The following ACACA variants were observed in gnomAD, a reference collection of about 807,000 sequenced individuals.
The protein encoded by ACACA is acetyl-CoA carboxylase alpha, also known as acetyl-CoA carboxylase 1.
Under a neutral mutation model 296.1 loss-of-function variants are expected in ACACA, and 103 were observed. The ratio of observed to expected loss-of-function variants is 0.35; its 90% CI spans 0.30 to 0.41. The LOEUF is 0.41. Among genes scored for constraint, ACACA ranks in the 10% least tolerant of loss-of-function variants. ACACA has a pLI of 1.00. For synonymous variants in ACACA, 953 were observed against 1,038.6 expected (o/e 0.92, Z 1.58); for missense variants, 1,554 against 2,989.7 (o/e 0.52, Z 11.20).
At chr17:37,321,942 CAAA>C (rs35332296) in intron 3 of ACACA, among the ~76,000 whole-genome samples, 1 of 87,032 alleles carries the variant, frequency 1.1e-5, no homozygotes. Context: ...GACTCCATCT[CAAA>C]AAAAAAAAAA....
chr17:37,195,433 T>C (rs1375350184), intron 35 of ACACA, among the ~76,000 whole-genome samples: 3 of 152,164 alleles, frequency 2.0e-5, no homozygotes, highest in African/African-American at 7.2e-5. Flanking sequence ...TGACTAATTC[T>C]TGGCAGAGGT....
At chr17:37,274,482 G>C (rs1485489219) in intron 8 of ACACA, 183 bp from the exon 9 acceptor site, 1 of 559,480 alleles carries the variant, frequency 1.8e-6, no homozygotes, top group South Asian at 7.8e-5. Flanking sequence ...AGCATGACCC[G>C]GCAACTTGGG....
At chr17:37,131,806 C>T (rs2075110726) in intron 45 of ACACA, among the ~76,000 whole-genome samples, 1 of 152,206 alleles carries the variant, frequency 6.6e-6, no homozygotes, top group South Asian at 2.1e-4. Context: ...ATATGGAAAG[C>T]AAAATTGCTC....
At position 37,088,923 on chromosome 17, in the gene ACACA, C is replaced by T. The variant is rs1187518196; in HGVS notation, c.7028+15G>A. Reference sequence around the variant, plus strand: ...AGCCCTCCTTCTCTAGTGGAGTTCCCCACGTTGGTCTCACCTGCGGATTTG... The same window carrying T: ...AGCCCTCCTTCTCTAGTGGAGTTCCTCACGTTGGTCTCACCTGCGGATTTG... On this transcript the variant is annotated intron_variant, in intron 55 of 55. Transcript: ENST00000616317. 1 of 1,614,124 alleles carries T rather than the reference C, an allele frequency of 6.2e-7. No individual in the cohort carries two copies. Among genetic ancestry groups the T allele is most frequent in the Admixed American group, 1.7e-5 (1 of 60,028 alleles).
intron 1 of ACACA, chr17:37,379,170 T>C: frequency 6.2e-7 from 1 of 1,613,974 alleles, no homozygotes; most frequent in Admixed American, 1.7e-5. Flanking sequence ...ACAACATTCA[T>C]TCAAAACCGG....
chr17:37,317,980 CA>C, intron 3 of ACACA, among the ~76,000 whole-genome samples: 1 of 152,064 alleles, frequency 6.6e-6, no homozygotes, highest in Non-Finnish European at 1.5e-5. Context: ...GGCACCATGG[CA>C]ACTGGGAACC....
intron 45 of ACACA, among the ~76,000 whole-genome samples, chr17:37,133,294 A>T (rs149585702): frequency 2.0e-5 from 3 of 152,346 alleles, no homozygotes; most frequent in Non-Finnish European, 4.4e-5. Context: ...CCTCCAGTTC[A>T]TCTTCAATGA....
At chr17:37,250,919 C>T (rs1165670995) in intron 16 of ACACA, among the ~76,000 whole-genome samples, 4 of 151,810 alleles carry the variant, frequency 2.6e-5, no homozygotes, top group Non-Finnish European at 4.4e-5. Context: ...CCCAGCTACT[C>T]GAGAGGCTGA....
intron 1 of ACACA, chr17:37,389,482 A>G (rs935874225): frequency 1.5e-6 from 2 of 1,375,306 alleles, no homozygotes; most frequent in East Asian, 5.1e-5. Flanking sequence ...GGATCACCTG[A>G]GGTGATCGAG....
intron 41 of ACACA, among the ~76,000 whole-genome samples, chr17:37,164,620 A>T (rs2076592105): frequency 6.6e-6 from 1 of 152,172 alleles, no homozygotes; most frequent in Non-Finnish European, 1.5e-5. Context: ...AAATATCAGG[A>T]TAATTTTGGT....
chr17:37,088,430 A>T (rs1321702437), intron 55 of ACACA, among the ~76,000 whole-genome samples: 1 of 152,190 alleles, frequency 6.6e-6, no homozygotes, highest in Non-Finnish European at 1.5e-5. Flanking sequence ...GAGTACAGAT[A>T]TTATATATAG....
chr17:37,201,181 G>C (rs1023057846), intron 33 of ACACA, among the ~76,000 whole-genome samples: 4 of 152,196 alleles, frequency 2.6e-5, no homozygotes, highest in African/African-American at 7.2e-5. Context: ...GCTCACGCCT[G>C]TAATCCCAAC....
chr17:37,330,596 A>G (rs2047831121), intron 2 of ACACA, among the ~76,000 whole-genome samples, 171 bp from the exon 3 acceptor site: 1 of 152,184 alleles, frequency 6.6e-6, no homozygotes, highest in African/African-American at 2.4e-5. Flanking sequence ...ACAAGGGAGG[A>G]AAATTGAGAT....
intron 11 of ACACA, among the ~76,000 whole-genome samples, chr17:37,262,705 C>T (rs1278583072): frequency 1.3e-5 from 2 of 151,942 alleles, no homozygotes; most frequent in African/African-American, 4.8e-5. Context: ...AAACTTACAC[C>T]TTGTTTAAGC....
At chr17:37,405,743 G>T (rs1050014665) in intron 1 of ACACA, among the ~76,000 whole-genome samples, 15 of 151,820 alleles carry the variant, frequency 9.9e-5, no homozygotes, top group African/African-American at 3.6e-4. Flanking sequence ...TAGTAGAGAC[G>T]GGATTTCACC....
At chr17:37,136,460 G>A (rs2075337766) in intron 45 of ACACA, among the ~76,000 whole-genome samples, 1 of 152,136 alleles carries the variant, frequency 6.6e-6, no homozygotes, top group South Asian at 2.1e-4. Context: ...GCCTGTTGGT[G>A]TACATTTGGG....
chr17:37,203,314 G>C (rs1318052178), intron 33 of ACACA, among the ~76,000 whole-genome samples: 3 of 152,018 alleles, frequency 2.0e-5, no homozygotes, highest in African/African-American at 7.3e-5. Context: ...TAGATTTGAG[G>C]GCAACAAGAA....
intron 1 of ACACA, among the ~76,000 whole-genome samples, chr17:37,348,152 CAAA>C (rs200582345): frequency 1.0e-5 from 1 of 97,108 alleles, no homozygotes; most frequent in Non-Finnish European, 2.3e-5. Context: ...CTCTGTCTCT[CAAA>C]AAAAAAAAAA....
chr17:37,122,449 G>T, intron 49 of ACACA, 82 bp downstream of exon 49: 3 of 1,105,386 alleles, frequency 2.7e-6, no homozygotes, highest in Non-Finnish European at 2.8e-6. Flanking sequence ...CTGATGGTTT[G>T]CAATGTTCCT....
Sources: allele counts gnomAD v4.1 joint callset (sites outside exome capture counted in the v4.1 genomes callset), GRCh38; gene constraint gnomAD v4.1.1; transcripts MANE v1.5; gene names NCBI Gene and HGNC (gene_info 2026-07-23, HGNC 2026-07-21).